Variants in GPHN observed in about 807,000 individuals in gnomAD.
The protein encoded by GPHN is gephyrin.
In GPHN, 17 loss-of-function variants were observed where a neutral mutation model predicts 95.5. That is an observed-to-expected ratio of 0.18 (90% CI 0.12 to 0.27). The LOEUF is 0.27. Ranked by LOEUF, GPHN falls within the 10% of genes least tolerant of loss-of-function variation. GPHN has a pLI of 1.00. For missense variants in GPHN, 660 were observed against 978.1 expected (o/e 0.67, Z 4.34); for synonymous variants, 320 against 322.5 (o/e 0.99, Z 0.08).
At chr14:67,642,249 A>G in the GPHN span, 1 of 1,612,588 alleles carries the variant, frequency 6.2e-7, no homozygotes, top group Non-Finnish European at 8.5e-7. Context: ...GATCTCTACA[A>G]CAACCTGATA....
At chr14:66,969,965 T>C (rs2069634981) in intron 9 of GPHN, 2 of 152,088 alleles carry the variant, frequency 1.3e-5, no homozygotes, top group African/African-American at 2.4e-5. Flanking sequence ...TTATTATCGT[T>C]TTATTCCCTA....
intron 2 of GPHN, among the ~76,000 whole-genome samples, chr14:66,740,868 A>G (rs1332362721): frequency 3.9e-5 from 6 of 152,188 alleles, no homozygotes; most frequent in Admixed American, 3.9e-4. Context: ...TTGTGCTGTT[A>G]TAACAGAATA....
At chr14:67,072,976 G>T (rs1202772195) in intron 11 of GPHN, among the ~76,000 whole-genome samples, 1 of 151,966 alleles carries the variant, frequency 6.6e-6, no homozygotes, top group Non-Finnish European at 1.5e-5. Context: ...ATATTGGTAT[G>T]TATTTCTTCT....
chr14:67,216,007 G>T, the GPHN span, among the ~76,000 whole-genome samples: 1 of 151,768 alleles, frequency 6.6e-6, no homozygotes, highest in African/African-American at 2.4e-5. Context: ...TATTTTTTGC[G>T]TGCAGTTTTA....
At chr14:67,358,354 C>G in the GPHN span, among the ~76,000 whole-genome samples, 1 of 152,250 alleles carries the variant, frequency 6.6e-6, no homozygotes. Context: ...TCATTAAGAG[C>G]TATTTAGTCA....
At chr14:66,976,712 G>A (rs1431548008) in intron 9 of GPHN, among the ~76,000 whole-genome samples, 1 of 152,066 alleles carries the variant, frequency 6.6e-6, no homozygotes, top group Non-Finnish European at 1.5e-5. Flanking sequence ...TGGGGATACA[G>A]CAATGAATAG....
the GPHN span, among the ~76,000 whole-genome samples, chr14:67,594,863 C>T: frequency 6.6e-6 from 1 of 151,998 alleles, no homozygotes; most frequent in South Asian, 2.1e-4. Flanking sequence ...AGAACACTTA[C>T]ATTAGGCCGG....
the GPHN span, among the ~76,000 whole-genome samples, chr14:67,439,585 CTTTCTTTCT>C: frequency 3.0e-5 from 4 of 132,322 alleles, no homozygotes; most frequent in African/African-American, 1.3e-4. Context: ...TTCTTTCTTT[CTTTCTTTCT>C]TCTTTCTTTT....
intron 16 of GPHN, among the ~76,000 whole-genome samples, chr14:67,114,851 T>C (rs149436355): frequency 3.9e-5 from 6 of 152,356 alleles, no homozygotes; most frequent in Admixed American, 1.3e-4. Context: ...TTGTTTAAGC[T>C]ACCTTTTACA....
intron 3 of GPHN, among the ~76,000 whole-genome samples, chr14:66,778,805 GC>G (rs1454971774): frequency 3.1e-5 from 4 of 128,216 alleles, no homozygotes; most frequent in Non-Finnish European, 6.2e-5. Context: ...CATGATCTCA[GC>G]TCACTGCAGC....
At chr14:67,615,858 C>T in the GPHN span, 6 of 615,690 alleles carry the variant, frequency 9.7e-6, no homozygotes, top group African/African-American at 5.6e-5. Context: ...GGTGATTCGG[C>T]GAAGAAACTG....
At chr14:67,528,706 C>T in the GPHN span, among the ~76,000 whole-genome samples, 1 of 152,000 alleles carries the variant, frequency 6.6e-6, no homozygotes, top group Admixed American at 6.6e-5. Flanking sequence ...TCTCTCTTGC[C>T]CGTATAACCC....
the GPHN span, among the ~76,000 whole-genome samples, chr14:67,203,694 A>T: frequency 6.6e-6 from 1 of 152,116 alleles, no homozygotes. Flanking sequence ...ACGCTTTCTC[A>T]TGGTAAATAA....
chr14:67,493,608 T>G, the GPHN span, among the ~76,000 whole-genome samples: 7 of 152,332 alleles, frequency 4.6e-5, no homozygotes, highest in East Asian at 1.2e-3. Flanking sequence ...TGAGGGTCAG[T>G]GTGCTTTGGA....
chr14:66,633,108 A>C (rs2063909365), intron 1 of GPHN, among the ~76,000 whole-genome samples: 1 of 152,144 alleles, frequency 6.6e-6, no homozygotes, highest in Non-Finnish European at 1.5e-5. Flanking sequence ...TTCTGTCAAT[A>C]TTAAATTTAA....
chr14:67,012,409 G>A (rs921575846), intron 9 of GPHN, among the ~76,000 whole-genome samples: 6 of 152,120 alleles, frequency 3.9e-5, no homozygotes, highest in South Asian at 2.1e-4. Context: ...TTCCCAAAAG[G>A]TACTTTTGTA....
intron 9 of GPHN, among the ~76,000 whole-genome samples, chr14:66,982,136 T>C (rs2070723045): frequency 6.6e-6 from 1 of 152,140 alleles, no homozygotes; most frequent in South Asian, 2.1e-4. Flanking sequence ...AGCTATGAAA[T>C]ATATGTTTGG....
the GPHN span, among the ~76,000 whole-genome samples, chr14:67,670,965 T>A: frequency 9.8e-4 from 149 of 152,364 alleles, 1 homozygote; most frequent in African/African-American, 3.4e-3. Context: ...CTGTATTATG[T>A]ACATTATGCT....
intron 11 of GPHN, among the ~76,000 whole-genome samples, chr14:67,063,486 G>T (rs997519818): frequency 6.6e-6 from 1 of 152,152 alleles, no homozygotes; most frequent in African/African-American, 2.4e-5. Flanking sequence ...TTGGTAGCTT[G>T]ATGGGGTTGG....
Sources: gnomAD v4.1 joint callset for allele counts (sites outside exome capture counted in the v4.1 genomes callset) on GRCh38, gnomAD v4.1.1 for gene constraint, MANE v1.5 for transcripts, NCBI Gene and HGNC (gene_info 2026-07-23, HGNC 2026-07-21) for gene names.